Variants in DAB1 observed in about 807,000 individuals in gnomAD.
The protein encoded by DAB1 is disabled homolog 1.
In DAB1, 15 loss-of-function variants were observed where a neutral mutation model predicts 64.6. That is an observed-to-expected ratio of 0.23 (90% CI 0.16 to 0.36). The LOEUF (loss-of-function observed/expected upper bound fraction) is 0.36. Among genes scored for constraint, DAB1 ranks in the 10% least tolerant of loss-of-function variants. DAB1 has a pLI of 1.00. For synonymous variants in DAB1, 235 were observed against 251.9 expected, an observed-to-expected ratio of 0.93 and a Z score of 0.64; for missense variants, 596 against 706.7, an observed-to-expected ratio of 0.84 and a Z score of 1.78.
chr1:57,718,507 G>A (rs569955493), intron 6 of DAB1, among the ~76,000 whole-genome samples: 1 of 152,088 alleles, frequency 6.6e-6, no homozygotes, highest in South Asian at 2.1e-4. Flanking sequence ...TTTGATGACT[G>A]AAAAAAGCAA....
chr1:57,268,070 C>T (rs1295300398), intron 2 of DAB1, among the ~76,000 whole-genome samples: 1 of 152,094 alleles, frequency 6.6e-6, no homozygotes, highest in Admixed American at 6.5e-5. Flanking sequence ...TTCAACAAGC[C>T]CACCAGAGGT....
At chr1:58,485,239 A>T (rs1557435878) in intron 3 of DAB1, among the ~76,000 whole-genome samples, 2 of 148,980 alleles carry the variant, frequency 1.3e-5, no homozygotes, top group Admixed American at 6.6e-5. Flanking sequence ...AAAAAAAAAA[A>T]AAAAAAAAAA....
At chr1:58,194,965 G>T (rs1224151437) in intron 4 of DAB1, among the ~76,000 whole-genome samples, 1 of 152,210 alleles carries the variant, frequency 6.6e-6, no homozygotes, top group Non-Finnish European at 1.5e-5. Flanking sequence ...TACTTTCTAT[G>T]TCTTTGTCTT....
chr1:57,221,305 G>C (rs1006084236), intron 2 of DAB1, among the ~76,000 whole-genome samples: 1 of 152,092 alleles, frequency 6.6e-6, no homozygotes. Context: ...TAAATGACGA[G>C]TTAATGGGTG....
chr1:57,551,383 T>C (rs1275991425), intron 7 of DAB1, among the ~76,000 whole-genome samples: 1 of 152,204 alleles, frequency 6.6e-6, no homozygotes, highest in Non-Finnish European at 1.5e-5. Flanking sequence ...CTGCTGGTTC[T>C]GTGGCACAGG....
chr1:57,208,327 T>G (rs2100317034), intron 2 of DAB1, among the ~76,000 whole-genome samples: 1 of 152,298 alleles, frequency 6.6e-6, no homozygotes, highest in South Asian at 2.1e-4. Context: ...TCCTCAGTTT[T>G]TGGGAAGCCA....
intron 7 of DAB1, among the ~76,000 whole-genome samples, chr1:57,471,827 A>G (rs890134537): frequency 2.6e-5 from 4 of 152,212 alleles, no homozygotes; most frequent in African/African-American, 9.7e-5. Context: ...AAATTGTCAT[A>G]TATCTGTATT....
At chr1:57,149,382 T>C (rs1659448929) in intron 2 of DAB1, among the ~76,000 whole-genome samples, 2 of 152,226 alleles carry the variant, frequency 1.3e-5, no homozygotes, top group Non-Finnish European at 2.9e-5. Flanking sequence ...ACTCTATATT[T>C]AACTTTTTGG....
chr1:57,331,090 A>G (rs1409770441), intron 1 of DAB1, among the ~76,000 whole-genome samples: 3 of 152,204 alleles, frequency 2.0e-5, no homozygotes, highest in Non-Finnish European at 4.4e-5. Flanking sequence ...TTAACATTGT[A>G]AATTAGGAAT....
intron 5 of DAB1, among the ~76,000 whole-genome samples, chr1:57,915,818 G>C (rs1644718349): frequency 6.6e-6 from 1 of 152,208 alleles, no homozygotes; most frequent in African/African-American, 2.4e-5. Flanking sequence ...GGGAGAAAGA[G>C]GGACGATCAC....
chr1:57,755,130 T>G (rs1001044444), intron 6 of DAB1, among the ~76,000 whole-genome samples: 4 of 152,162 alleles, frequency 2.6e-5, no homozygotes, highest in Non-Finnish European at 5.9e-5. Context: ...TTCTCTTTCT[T>G]TCTCTCCTCC....
At chr1:58,159,237 C>T (rs146784356) in intron 4 of DAB1, among the ~76,000 whole-genome samples, 3 of 152,266 alleles carry the variant, frequency 2.0e-5, no homozygotes, top group African/African-American at 7.2e-5. Flanking sequence ...AATACATGTA[C>T]AGCATGTAGG....
Position 58,391,236 on chromosome 1 carries a change from T to A in DAB1, n.258-47833A>T, listed in dbSNP as rs142896201. Reference sequence around the variant, plus strand: ...CTGCCGGCCAGCAGCAGCCAGGCTCTGGAGGAAAAGGCTACTCAGAGTCAA... The same window carrying A: ...CTGCCGGCCAGCAGCAGCCAGGCTCAGGAGGAAAAGGCTACTCAGAGTCAA... On this transcript the variant is annotated intron_variant and non_coding_transcript_variant, in intron 3 of 20. Transcript: ENST00000485760. Among the ~76,000 whole-genome samples the A allele has an allele frequency of 1.7e-3, 261 of 152,318 alleles. 1 individual carries two copies. Among genetic ancestry groups the A allele is most frequent in the Non-Finnish European group, 2.9e-3 (194 of 68,026 alleles).
Position 57,382,407 on chromosome 1 carries a change from T to C in DAB1, c.-137+41523A>G, listed in dbSNP as rs1314466121. On this transcript the variant is annotated intron_variant, in intron 1 of 14. Coordinates refer to ENST00000371236, the MANE Select transcript of DAB1 (RefSeq NM_001365792.1). Reference sequence around the variant, plus strand: ...TCCATTCATTCTCAACAAACGTTTATTGAGTGCTGTATTAGTTTTCTTTTG... The same window carrying C: ...TCCATTCATTCTCAACAAACGTTTACTGAGTGCTGTATTAGTTTTCTTTTG... 3.3e-5 allele frequency among the ~76,000 whole-genome samples: 5 copies of C among 152,188 alleles called. No homozygotes were observed. The East Asian group carries it at 9.6e-4, about 29-fold the overall frequency.
intron 5 of DAB1, among the ~76,000 whole-genome samples, chr1:58,050,168 A>G (rs1338541014): frequency 6.6e-6 from 1 of 152,208 alleles, no homozygotes; most frequent in African/African-American, 2.4e-5. Flanking sequence ...AGCATCTGAA[A>G]GTAATACAGT....
chr1:57,612,108 A>T (rs1006514473), intron 7 of DAB1, among the ~76,000 whole-genome samples: 1 of 151,868 alleles, frequency 6.6e-6, no homozygotes, highest in South Asian at 2.1e-4. Flanking sequence ...GTCACCTCCT[A>T]AGACCCATCT....
chr1:57,660,356 A>G (rs1646371961), intron 6 of DAB1, among the ~76,000 whole-genome samples: 1 of 152,200 alleles, frequency 6.6e-6, no homozygotes, highest in Admixed American at 6.5e-5. Flanking sequence ...AGGCTCTTCC[A>G]CCAAGCTGTG....
chr1:57,293,539 A>AT (rs1207254924), intron 1 of DAB1, among the ~76,000 whole-genome samples: 1 of 152,132 alleles, frequency 6.6e-6, no homozygotes, highest in African/African-American at 2.4e-5. Flanking sequence ...TTTAATAAAT[A>AT]TTAGGCACAT....
At chr1:57,971,112 C>G (rs17486923) in intron 5 of DAB1, among the ~76,000 whole-genome samples, 3,807 of 152,266 alleles carry the variant, frequency 0.025, 78 homozygotes, top group Non-Finnish European at 0.04. Flanking sequence ...AGGAGGCATT[C>G]TGAGAGGTCA....
Sources: allele counts gnomAD v4.1 joint callset (sites outside exome capture counted in the v4.1 genomes callset), GRCh38; gene constraint gnomAD v4.1.1; transcripts MANE v1.5; gene names NCBI Gene and HGNC (gene_info 2026-07-23, HGNC 2026-07-21).